GPR107: variants seen among roughly 807,000 people sequenced by gnomAD.
The protein encoded by GPR107 is protein GPR107.
A neutral mutation model predicts 75.5 loss-of-function variants in GPR107; 31 were observed. The ratio of observed to expected loss-of-function variants is 0.41; its 90% CI spans 0.31 to 0.55. The LOEUF (loss-of-function observed/expected upper bound fraction) is 0.55. Ranked by LOEUF, GPR107 falls within the 20% of genes least tolerant of loss-of-function variation. The probability of loss-of-function intolerance (pLI) is 0.26; values close to 1 mark genes in which losing one functional copy is unlikely to be tolerated. For missense variants in GPR107, 572 were observed against 665.7 expected, an observed-to-expected ratio of 0.86 and a Z score of 1.55; for synonymous variants, 267 against 251.3, an observed-to-expected ratio of 1.06 and a Z score of -0.59.
intron 14 of GPR107, among the ~76,000 whole-genome samples, chr9:130,113,367 G>A (rs1205528771): frequency 2.0e-5 from 3 of 151,134 alleles, no homozygotes; most frequent in Admixed American, 6.6e-5. Flanking sequence ...TGAGTAGGTG[G>A]GACTACAGGT....
At chr9:130,110,524 C>G in intron 14 of GPR107, 1 of 726,150 alleles carries the variant, frequency 1.4e-6, no homozygotes, top group South Asian at 1.5e-5. Flanking sequence ...GAAAGAGGGA[C>G]AGAGCAGATT....
At chr9:130,066,637 C>T (rs1035878368) in intron 1 of GPR107, among the ~76,000 whole-genome samples, 36 of 152,094 alleles carry the variant, frequency 2.4e-4, no homozygotes, top group African/African-American at 6.3e-4. Context: ...AGTGTACTGT[C>T]GCAGCAGTGT....
At chr9:130,076,522 G>C (rs1830352828) in intron 3 of GPR107, 60 bp downstream of exon 3, 1 of 1,017,196 alleles carries the variant, frequency 9.8e-7, no homozygotes. Flanking sequence ...CATTGAACGG[G>C]AACACCCTAC....
chr9:130,092,147 C>T, intron 8 of GPR107, 101 bp from the exon 9 acceptor site: 1 of 1,002,466 alleles, frequency 1.0e-6, no homozygotes, highest in South Asian at 1.5e-5. Context: ...GCCACTGGTA[C>T]TTACTTTCTT....
rs1256526850 is a variant in GPR107, at chr9:130,132,458, ACT to A, written c.1563-2563_1563-2562del. On this transcript the variant is annotated intron_variant, in intron 17 of 17. Transcript: ENST00000347136. ...TGTCCACCCTGGTTCTCTCCCTGCC[ACT>A]CTCCTTCCCAGACTGGCTGGATGTA... Among the ~76,000 whole-genome samples, 14 of 152,000 alleles carry A rather than the reference ACT, an allele frequency of 9.2e-5. No homozygotes were observed. The East Asian group carries it at 2.5e-3, about 27-fold the overall frequency.
intron 1 of GPR107, among the ~76,000 whole-genome samples, chr9:130,055,965 A>G (rs1268890528): frequency 1.3e-5 from 2 of 151,920 alleles, no homozygotes; most frequent in African/African-American, 4.8e-5. Flanking sequence ...AAATAAATAA[A>G]TAAATAAATG....
intron 12 of GPR107, 35 bp downstream of exon 12, chr9:130,101,258 T>G: frequency 4.4e-6 from 5 of 1,139,240 alleles, no homozygotes; most frequent in Non-Finnish European, 6.7e-6. Context: ...TCACTTCCTT[T>G]CTTGGCGCTT....
chr9:130,096,682 G>C (rs1437088877), intron 9 of GPR107, among the ~76,000 whole-genome samples: 1 of 152,008 alleles, frequency 6.6e-6, no homozygotes, highest in Non-Finnish European at 1.5e-5. Context: ...TGGCCAGGCT[G>C]GTCTAGAATT....
Position 130,092,333 on chromosome 9 carries a change from T to C in GPR107, c.815T>C (p.Phe272Ser), listed in dbSNP as rs1477259808. The change falls in exon 9 of 18, where the codon TTC becomes TCC. Residue 272 changes from phenylalanine (F) to serine (S), a missense_variant. By Grantham distance (155) the Phe-to-Ser change is radical. Transcript: ENST00000347136. The part of the protein sequence containing the change: ...LPKLYISMAF[F>S]FFLSGTIWIH... ...AAATTATACATCTCAATGGCCTTTTTCTTCTTTCTTTCTGGGACCATCTGG... is the reference window on the plus strand; with the variant it reads ...AAATTATACATCTCAATGGCCTTTTCCTTCTTTCTTTCTGGGACCATCTGG... 1.9e-6 allele frequency: 3 copies of C among 1,611,518 alleles called. No homozygotes were observed. The highest frequency in any genetic ancestry group is 2.5e-6 in the Non-Finnish European group (3 of 1,177,686).
At chr9:130,071,631 C>T (rs1487034482) in intron 1 of GPR107, among the ~76,000 whole-genome samples, 1 of 151,998 alleles carries the variant, frequency 6.6e-6, no homozygotes, top group Admixed American at 6.6e-5. Flanking sequence ...ACTCTGAAAA[C>T]TGGGAGTTGT....
At chr9:130,070,012 A>ATTTTTTTTT (rs1830166309) in intron 1 of GPR107, among the ~76,000 whole-genome samples, 1 of 39,252 alleles carries the variant, frequency 2.5e-5, no homozygotes, top group Non-Finnish European at 4.7e-5. Flanking sequence ...TTTTTTTTTT[A>ATTTTTTTTT]AATTTTTTTG....
chr9:130,079,676 A>G lies in GPR107; in HGVS notation c.433A>G (p.Ile145Val). 1 of 1,613,062 alleles carries G rather than the reference A, an allele frequency of 6.2e-7. No homozygotes were observed. The highest frequency in any genetic ancestry group is 1.3e-5 in the African/African-American group (1 of 75,044). Residue 145 changes from isoleucine to valine, a missense_variant, in exon 5 of 18, where the codon ATC becomes GTC. Coordinates refer to ENST00000347136, the MANE Select transcript of GPR107 (RefSeq NM_020960.5). ...PPEAGTQLPK[I>V]IFSRDEKVLG... ...AGAAGCTGGTACCCAGTTACCAAAG[A>G]TCATCTTCAGCAGGGATGAGAAAGT...
chr9:130,098,279 A>T (rs1226969683), intron 9 of GPR107, among the ~76,000 whole-genome samples: 6 of 152,156 alleles, frequency 3.9e-5, no homozygotes, highest in African/African-American at 1.4e-4. Flanking sequence ...GTGGACTAGT[A>T]TCTGTGATGG....
Position 130,062,660 on chromosome 9 carries a change from G to GCCTGCCTTCCTT in GPR107, c.141+8590_141+8591insGCCTTCCTTCCT, listed in dbSNP as rs1300037621. Among the ~76,000 whole-genome samples, 204 of 69,104 alleles carry GCCTGCCTTCCTT rather than the reference G, an allele frequency of 3.0e-3. 2 individuals carry two copies. The highest frequency in any genetic ancestry group is 0.015 in the Middle Eastern group (2 of 132). The allele number at this position is 69,104 out of a possible 152,430, so 45.3% of individuals were successfully genotyped here. ...TGCCTGCCTGCCTGCCTGCCTGCCTGCCTTCCTTCCTTCCTTCCTTCCTTC... is the reference window on the plus strand; with the variant it reads ...TGCCTGCCTGCCTGCCTGCCTGCCTGCCTGCCTTCCTTCCTTCCTTCCTTCCTTCCTTCCTTC... On this transcript the variant is annotated intron_variant, in intron 1 of 17. Transcript: ENST00000347136.
In GPR107 at chr9:130,090,962, C is replaced by T; in HGVS notation, c.708C>T (p.Asp236=). The T allele has an allele frequency of 6.7e-7, 1 of 1,486,768 alleles. No individual in the cohort carries two copies. The highest frequency in any genetic ancestry group is 1.7e-4 in the Middle Eastern group (1 of 5,826). The allele number at this position is 1,486,768 out of a possible 1,614,324, so 92.1% of individuals were successfully genotyped here. ...GCCTTGGAAAAGAATTGCCAAGTGA[C>T]AAGTTTACATTCAGCCTTGATGTGA... ...HKCLGKELPS[D]KFTFSLDIEI... Residue 236 remains aspartate (D), a synonymous_variant, in exon 8 of 18, where the codon GAC becomes GAT. Coordinates refer to ENST00000347136, the MANE Select transcript of GPR107 (RefSeq NM_020960.5).
chr9:130,131,463 G>A (rs918757462), intron 17 of GPR107, among the ~76,000 whole-genome samples: 3 of 151,926 alleles, frequency 2.0e-5, no homozygotes, highest in East Asian at 1.9e-4. Flanking sequence ...CACCCGCCCT[G>A]CCTGTGACAA....
intron 6 of GPR107, among the ~76,000 whole-genome samples, chr9:130,085,092 G>A (rs1014987305): frequency 6.6e-6 from 1 of 152,162 alleles, no homozygotes; most frequent in African/African-American, 2.4e-5. Context: ...AGCAGGCTAC[G>A]GGAAGTCATC....
At position 130,139,836 on chromosome 9, in the gene GPR107, A is replaced by G. The variant is rs1356493272; in HGVS notation, c.*4715A>G. On this transcript the variant is annotated 3_prime_UTR_variant, in exon 18 of 18. Coordinates refer to ENST00000347136, the MANE Select transcript of GPR107 (RefSeq NM_020960.5). ...TACAGGGTCCAGAAATCGTGTTCACATGGGGGCTTTGACTCTTCAAACAGC... is the reference window on the plus strand; with the variant it reads ...TACAGGGTCCAGAAATCGTGTTCACGTGGGGGCTTTGACTCTTCAAACAGC... 1 of 152,196 alleles carries G rather than the reference A, an allele frequency of 6.6e-6. No individual in the cohort carries two copies. Among genetic ancestry groups the G allele is most frequent in the Admixed American group, 6.5e-5 (1 of 15,278 alleles). The allele number at this position is 152,196 out of a possible 1,614,324, so 9.4% of individuals were successfully genotyped here.
intron 17 of GPR107, chr9:130,129,545 C>T (rs972566692): frequency 2.0e-5 from 3 of 152,368 alleles, no homozygotes; most frequent in African/African-American, 7.2e-5. Flanking sequence ...GGACAGCTCT[C>T]TCTGCTCAGC....
Sources: gnomAD v4.1 joint callset for allele counts (sites outside exome capture counted in the v4.1 genomes callset) on GRCh38, gnomAD v4.1.1 for gene constraint, MANE v1.5 for transcripts, NCBI Gene and HGNC (gene_info 2026-07-23, HGNC 2026-07-21) for gene names.